Variants in MICAL2 observed in about 807,000 individuals in gnomAD.
MICAL2 encodes the protein [F-actin]-monooxygenase MICAL2.
A neutral mutation model predicts 127.3 loss-of-function variants in MICAL2; 77 were observed. The ratio of observed to expected loss-of-function variants is 0.60; its 90% confidence interval spans 0.50 to 0.73. The LOEUF (loss-of-function observed/expected upper bound fraction) is 0.73, where lower values mean the gene tolerates loss of function less well. Among genes scored for constraint, MICAL2 ranks in the 30% least tolerant of loss-of-function variants. The probability of loss-of-function intolerance (pLI) is 0.00; values close to 1 mark genes in which losing one functional copy is unlikely to be tolerated. For synonymous variants in MICAL2, 570 were observed against 551.1 expected (o/e 1.03, Z -0.48); for missense variants, 1,351 against 1,434.4 (o/e 0.94, Z 0.94).
At chr11:12,221,129 T>C (rs1239205407) in intron 9 of MICAL2, among the ~76,000 whole-genome samples, 1 of 152,166 alleles carries the variant, frequency 6.6e-6, no homozygotes, top group East Asian at 1.9e-4. Flanking sequence ...AGGCCCTTGG[T>C]TGAGCCCTCA....
At chr11:12,339,659 TC>T (rs1453878152) in intron 32 of MICAL2, among the ~76,000 whole-genome samples, 1 of 152,202 alleles carries the variant, frequency 6.6e-6, no homozygotes, top group African/African-American at 2.4e-5. Flanking sequence ...TAGTTTTCCT[TC>T]TAACAGTCAG....
intron 24 of MICAL2, among the ~76,000 whole-genome samples, chr11:12,268,955 T>C (rs1385428719): frequency 1.3e-5 from 2 of 151,898 alleles, no homozygotes; most frequent in African/African-American, 4.8e-5. Context: ...GCCAAGATTG[T>C]GCCACTGCAC....
chr11:12,239,755 T>C (rs989814481), intron 17 of MICAL2, among the ~76,000 whole-genome samples, 170 bp downstream of exon 17: 4 of 152,192 alleles, frequency 2.6e-5, no homozygotes, highest in African/African-American at 9.7e-5. Flanking sequence ...CAGATAGCAG[T>C]TTTTTAGTGC....
intron 4 of MICAL2, among the ~76,000 whole-genome samples, chr11:12,205,685 G>A (rs886764477): frequency 6.6e-6 from 1 of 152,170 alleles, no homozygotes; most frequent in Non-Finnish European, 1.5e-5. Context: ...TTTATCTCCT[G>A]TAAAGTGTGA....
intron 2 of MICAL2, among the ~76,000 whole-genome samples, chr11:12,145,705 AG>A (rs1852826705): frequency 6.6e-6 from 1 of 152,212 alleles, no homozygotes; most frequent in Non-Finnish European, 1.5e-5. Context: ...TGACTCAGGC[AG>A]GGCTCACCTG....
chr11:12,206,638 C>T (rs1854724593), intron 4 of MICAL2, among the ~76,000 whole-genome samples: 1 of 152,194 alleles, frequency 6.6e-6, no homozygotes, highest in South Asian at 2.1e-4. Flanking sequence ...CTCAGCAGTT[C>T]TCCATGTCTG....
At chr11:12,320,862 G>T (rs1177086159) in intron 30 of MICAL2, among the ~76,000 whole-genome samples, 1 of 151,882 alleles carries the variant, frequency 6.6e-6, no homozygotes, top group Non-Finnish European at 1.5e-5. Context: ...GAGAGTTGAG[G>T]GAGAAAGATG....
At chr11:12,247,123 G>A (rs993417887) in intron 21 of MICAL2, among the ~76,000 whole-genome samples, 14 of 152,086 alleles carry the variant, frequency 9.2e-5, no homozygotes, top group Non-Finnish European at 1.6e-4. Flanking sequence ...CCCAGCGTTC[G>A]GACTCCCAGG....
At chr11:12,123,944 G>A (rs571305982) in intron 1 of MICAL2, among the ~76,000 whole-genome samples, 7 of 152,098 alleles carry the variant, frequency 4.6e-5, no homozygotes, top group Non-Finnish European at 8.8e-5. Context: ...CTCCAGTTCC[G>A]GACATTCTGC....
chr11:12,288,311 C>T (rs1863852607), downstream of MICAL2, among the ~76,000 whole-genome samples: 2 of 152,226 alleles, frequency 1.3e-5, 1 homozygote, highest in South Asian at 4.1e-4. Context: ...GCTGCCCAGG[C>T]CCGGACTATA....
intron 1 of MICAL2, among the ~76,000 whole-genome samples, chr11:12,137,579 G>A (rs1427518198): frequency 7.2e-5 from 11 of 152,094 alleles, no homozygotes; most frequent in African/African-American, 2.4e-4. Flanking sequence ...TGTGCTCTTT[G>A]TGTGCTAGAG....
intron 14 of MICAL2, 38 bp downstream of exon 14, chr11:12,226,408 G>A (rs1187030752): frequency 5.0e-6 from 8 of 1,596,818 alleles, no homozygotes; most frequent in Admixed American, 1.7e-5. Context: ...AGCCCCTTGA[G>A]CCAACTCTGT....
intron 12 of MICAL2, chr11:12,224,406 G>A (rs1049152410): frequency 2.4e-6 from 1 of 417,870 alleles, no homozygotes; most frequent in African/African-American, 1.9e-5. Context: ...AGATGAGCAT[G>A]TTGTTGGCAG....
chr11:12,242,355 C>T lies in MICAL2; in HGVS notation c.2479C>T (p.Pro827Ser). 1.2e-6 allele frequency: 2 copies of T among 1,614,156 alleles called. No individual in the cohort carries two copies. Among genetic ancestry groups the T allele is most frequent in the Non-Finnish European group, 1.7e-6 (2 of 1,180,000 alleles). ...TGGGACAGAAAATTTCGCTACCCTG[C>T]CTTCTACCCGCCCGAGGGCGCAGGC... ...LGGTENFATL[P>S]STRPRAQALS... The change falls in exon 19 of 28, where the codon CCT (proline) becomes TCT (serine). Residue 827 changes from proline (P) to serine (S), a missense_variant. Transcript: ENST00000683283.
intron 3 of MICAL2, among the ~76,000 whole-genome samples, chr11:12,190,674 A>G (rs1032424475): frequency 6.6e-6 from 1 of 152,248 alleles, no homozygotes; most frequent in African/African-American, 2.4e-5. Context: ...CTAATCAGCC[A>G]CAGATAATTT....
intron 11 of MICAL2, 130 bp downstream of exon 11, chr11:12,222,873 G>T (rs1856986166): frequency 6.9e-6 from 8 of 1,158,606 alleles, no homozygotes; most frequent in Non-Finnish European, 9.6e-6. Flanking sequence ...CTGGCCTAAT[G>T]GTGGGACCAG....
At chr11:12,157,697 TAA>T (rs35448001) in intron 2 of MICAL2, among the ~76,000 whole-genome samples, 70 of 147,654 alleles carry the variant, frequency 4.7e-4, no homozygotes, top group South Asian at 1.1e-3. Context: ...GATCCTCTGA[TAA>T]AAAAAAAAAA....
intron 7 of MICAL2, among the ~76,000 whole-genome samples, chr11:12,214,427 C>CAGCTTTTCTCTTTAGT (rs1855892766): frequency 6.6e-6 from 1 of 152,150 alleles, no homozygotes; most frequent in Non-Finnish European, 1.5e-5. Flanking sequence ...ATCGCAGTGT[C>CAGCTTTTCTCTTTAGT]CACACTCTTT....
At chr11:12,303,236 T>C (rs2134808270) in intron 29 of MICAL2, among the ~76,000 whole-genome samples, 1 of 152,260 alleles carries the variant, frequency 6.6e-6, no homozygotes, top group African/African-American at 2.4e-5. Flanking sequence ...CACTTTCCTT[T>C]ATTGCTGTTG....
Sources: allele counts gnomAD v4.1 joint callset (sites outside exome capture counted in the v4.1 genomes callset), GRCh38; gene constraint gnomAD v4.1.1; transcripts MANE v1.5; gene names NCBI Gene and HGNC (gene_info 2026-07-23, HGNC 2026-07-21).